Variants in CSMD3 observed in about 807,000 individuals in gnomAD.
CSMD3 encodes the protein CUB and sushi domain-containing protein 3.
Under a neutral mutation model 435.2 loss-of-function variants are expected in CSMD3, and 177 were observed. The observed-to-expected ratio is 0.41, with a 90% CI of 0.36 to 0.46. The LOEUF (loss-of-function observed/expected upper bound fraction) is 0.46. Among genes scored for constraint, CSMD3 ranks in the 20% least tolerant of loss-of-function variants. CSMD3 has a pLI of 0.34. For synonymous variants in CSMD3, 1,656 were observed against 1,520.5 expected, an observed-to-expected ratio of 1.09 and a Z score of -2.07; for missense variants, 4,265 against 4,504.6, an observed-to-expected ratio of 0.95 and a Z score of 1.52.
At chr8:112,391,441 T>C (rs971189642) in intron 35 of CSMD3, among the ~76,000 whole-genome samples, 2 of 152,126 alleles carry the variant, frequency 1.3e-5, no homozygotes, top group Non-Finnish European at 2.9e-5. Flanking sequence ...CTCACGCCTG[T>C]AATCCTACCA....
rs562093987 is a variant in CSMD3 at position 113,023,921 on chromosome 8, G to C, written c.918-4742C>G. 9.2e-5 allele frequency among the ~76,000 whole-genome samples: 14 copies of C among 152,190 alleles called. No individual in the cohort carries two copies. In the South Asian group the frequency reaches 2.5e-3, roughly 27 times the overall value. On this transcript the variant is annotated intron_variant, in intron 5 of 70. Coordinates refer to ENST00000297405, the MANE Select transcript of CSMD3 (RefSeq NM_198123.2). ...CTCAAACATTTATGATTTCTTTGTA[G>C]TAGGAAATTCAAAATCCTCTCTTCT... is the stretch of plus-strand genomic sequence containing the variant.
intron 1 of CSMD3, among the ~76,000 whole-genome samples, chr8:113,421,375 C>T (rs984152539): frequency 2.6e-5 from 4 of 152,024 alleles, no homozygotes; most frequent in African/African-American, 7.2e-5. Context: ...TTCTTATGGA[C>T]AAAAGTGTTT....
intron 11 of CSMD3, among the ~76,000 whole-genome samples, chr8:112,858,052 T>C (rs2080715575): frequency 6.6e-6 from 1 of 151,692 alleles, no homozygotes; most frequent in Admixed American, 6.6e-5. Context: ...ATCAGGGCTC[T>C]TCTATGAGAC....
intron 38 of CSMD3, among the ~76,000 whole-genome samples, chr8:112,363,634 A>G (rs1021182248): frequency 1.3e-5 from 2 of 152,010 alleles, no homozygotes; most frequent in African/African-American, 2.4e-5. Context: ...TACAAAATTC[A>G]GAAACCTAGA....
At chr8:112,243,006 G>A (rs189356443) in intron 65 of CSMD3, among the ~76,000 whole-genome samples, 55 of 152,128 alleles carry the variant, frequency 3.6e-4, no homozygotes, top group Non-Finnish European at 5.9e-4. Context: ...CTTAGAATTA[G>A]GAGGGAGTAA....
chr8:112,588,275 C>T (rs374660866), intron 22 of CSMD3, among the ~76,000 whole-genome samples: 19 of 151,514 alleles, frequency 1.3e-4, no homozygotes, highest in Middle Eastern at 3.6e-3. Context: ...TAATGAATTG[C>T]TTTACCTTTT....
At chr8:113,334,958 CA>C (rs1470410825) in intron 1 of CSMD3, among the ~76,000 whole-genome samples, 1 of 152,048 alleles carries the variant, frequency 6.6e-6, no homozygotes, top group Non-Finnish European at 1.5e-5. Flanking sequence ...TCTATGTCCT[CA>C]CCAAATCAAA....
At chr8:112,410,646 A>ATGTGTATATATATATGTATATATC (rs1832300900) in intron 32 of CSMD3, among the ~76,000 whole-genome samples, 1 of 78,506 alleles carries the variant, frequency 1.3e-5, no homozygotes, top group Non-Finnish European at 3.1e-5. Context: ...ATGTATATAT[A>ATGTGTATATATATATGTATATATC]TATGTGTATA....
At chr8:113,400,113 C>T (rs530417617) in intron 1 of CSMD3, among the ~76,000 whole-genome samples, 5 of 151,716 alleles carry the variant, frequency 3.3e-5, no homozygotes, top group Non-Finnish European at 7.4e-5. Context: ...TATTAACTTT[C>T]CAGATTTAAA....
chr8:112,628,209 G>C (rs896304534), intron 22 of CSMD3, among the ~76,000 whole-genome samples: 1 of 152,012 alleles, frequency 6.6e-6, no homozygotes, highest in African/African-American at 2.4e-5. Context: ...TTTTGAGTCA[G>C]CTATTTTCCC....
At chr8:112,960,590 T>C (rs1245840339) in intron 7 of CSMD3, among the ~76,000 whole-genome samples, 3 of 151,710 alleles carry the variant, frequency 2.0e-5, no homozygotes, top group East Asian at 3.8e-4. Context: ...AAAATATGTT[T>C]AAAATAAATG....
chr8:112,329,923 CACAA>C (rs1342575520), intron 45 of CSMD3, among the ~76,000 whole-genome samples: 17 of 152,080 alleles, frequency 1.1e-4, no homozygotes, highest in South Asian at 1.0e-3. Flanking sequence ...CACATATACA[CACAA>C]ACACACACAC....
chr8:112,761,280 A>T (rs1223044994), intron 13 of CSMD3, among the ~76,000 whole-genome samples: 1 of 152,164 alleles, frequency 6.6e-6, no homozygotes, highest in African/African-American at 2.4e-5. Context: ...AATTATTTCA[A>T]AAGTTGATTC....
intron 5 of CSMD3, among the ~76,000 whole-genome samples, chr8:113,020,075 A>G (rs2086630408): frequency 6.7e-6 from 1 of 148,676 alleles, no homozygotes. Flanking sequence ...AGGCAGGAGA[A>G]TGGCGTGAAC....
intron 5 of CSMD3, among the ~76,000 whole-genome samples, chr8:113,086,539 G>A (rs1275167147): frequency 6.6e-6 from 1 of 151,954 alleles, no homozygotes; most frequent in Non-Finnish European, 1.5e-5. Flanking sequence ...ATTATTGGGA[G>A]CTTTTGACTT....
At chr8:112,794,940 C>T (rs911788226) in intron 13 of CSMD3, among the ~76,000 whole-genome samples, 1 of 151,370 alleles carries the variant, frequency 6.6e-6, no homozygotes, top group African/African-American at 2.4e-5. Context: ...ATATAAGTGA[C>T]CAGCATTAAT....
intron 56 of CSMD3, among the ~76,000 whole-genome samples, chr8:112,290,985 A>G (rs1009050174): frequency 6.6e-6 from 1 of 152,046 alleles, no homozygotes; most frequent in African/African-American, 2.4e-5. Context: ...ATCATAACAT[A>G]TAACAAAATG....
intron 28 of CSMD3, among the ~76,000 whole-genome samples, chr8:112,513,242 C>G (rs1823318668): frequency 6.6e-6 from 1 of 152,182 alleles, no homozygotes; most frequent in Non-Finnish European, 1.5e-5. Flanking sequence ...AGCTATCAGC[C>G]TATTTGGGCT....
intron 35 of CSMD3, among the ~76,000 whole-genome samples, chr8:112,404,913 CACA>C (rs1469603257): frequency 1.3e-5 from 2 of 151,334 alleles, no homozygotes; most frequent in Admixed American, 1.3e-4. Flanking sequence ...TGCGGTAGAT[CACA>C]CCTGTAATCC....
Sources: gnomAD v4.1 joint callset for allele counts (sites outside exome capture counted in the v4.1 genomes callset) on GRCh38, gnomAD v4.1.1 for gene constraint, MANE v1.5 for transcripts, NCBI Gene and HGNC (gene_info 2026-07-23, HGNC 2026-07-21) for gene names.